Variants in WDR81 observed in about 807,000 individuals in gnomAD.
WDR81 encodes WD repeat domain 81.
In WDR81, 92 loss-of-function variants were observed where a neutral mutation model predicts 140.8. That is an observed-to-expected ratio of 0.65 (90% CI 0.55 to 0.78). WDR81 has a LOEUF of 0.78. Among genes scored for constraint, WDR81 ranks in the 30% least tolerant of loss-of-function variants. The probability of loss-of-function intolerance (pLI) is 0.00; values close to 1 mark genes in which losing one functional copy is unlikely to be tolerated. For missense variants in WDR81, 2,502 were observed against 2,636.4 expected (o/e 0.95, Z 1.12); for synonymous variants, 1,183 against 1,156.4 (o/e 1.02, Z -0.47).
In WDR81 at chr17:1,730,501, C is replaced by CGGTCA. The variant is rs376021075; in HGVS notation, c.3775+16_3775+20dup. On this transcript the variant is annotated intron_variant, in intron 2 of 9. Transcript: ENST00000409644. ...CTTGTTATGTTGGTAAGGAGGCCTG[C>CGGTCA]GGTCAGTGCTGGAGATGAGGCTTTC... 6 of 1,608,416 alleles carry CGGTCA rather than the reference C, an allele frequency of 3.7e-6. No individual in the cohort carries two copies. In the African/African-American group the frequency reaches 5.3e-5, roughly 14 times the overall value.
At position 1,734,117 on chromosome 17, in the gene WDR81, A is replaced by G. The variant is rs1001413126; in HGVS notation, c.5080A>G (p.Thr1694Ala). ...CGAGACGGCCCCACGCCTCGTCTAC[A>G]CCCAGCACCGCAAGAGCGTCTTCTT... ...TSETAPRLVY[T>A]QHRKSVFFVG... The change falls in exon 7 of 10, where the codon ACC becomes GCC. Residue 1694 changes from threonine to alanine, a missense_variant. Physicochemically the swap from Thr to Ala is moderately conservative, Grantham distance 58. This residue lies in a region of WDR81 where 1,737 missense variants were observed against 1,843.0 expected (regional missense o/e 0.94). Coordinates refer to ENST00000409644, the MANE Select transcript of WDR81 (RefSeq NM_001163809.2). 3 of 1,600,636 alleles carry G rather than the reference A, an allele frequency of 1.9e-6. No homozygotes were observed. The highest frequency in any genetic ancestry group is 2.5e-6 in the Non-Finnish European group (3 of 1,179,850).
chr17:1,736,609 C>T (rs1294560853), intron 9 of WDR81, among the ~76,000 whole-genome samples: 2 of 152,184 alleles, frequency 1.3e-5, no homozygotes, highest in African/African-American at 4.8e-5. Context: ...TGTTTACTGC[C>T]TGTAGACCGC....
chr17:1,737,847 G>T lies in WDR81; in HGVS notation c.*162G>T. 1.1e-6 allele frequency: 1 copy of T among 909,428 alleles called. No homozygotes were observed. Among genetic ancestry groups the T allele is most frequent in the Non-Finnish European group, 1.6e-6 (1 of 620,252 alleles). The allele number at this position is 909,428 out of a possible 1,614,324, so 56.3% of individuals were successfully genotyped here. A position where few individuals can be genotyped will look rare whatever the true frequency, so the allele number is the denominator to read the frequency against. On this transcript the variant is annotated 3_prime_UTR_variant, in exon 10 of 10. Coordinates refer to ENST00000409644, the MANE Select transcript of WDR81 (RefSeq NM_001163809.2). Reference sequence around the variant, plus strand: ...TAGGGCCTGCAAATGGAGTGGGGGAGTCCTGGCCCCTGAATCACCAGAGCC... The same window carrying T: ...TAGGGCCTGCAAATGGAGTGGGGGATTCCTGGCCCCTGAATCACCAGAGCC...
chr17:1,728,132 C>T lies in WDR81; in HGVS notation c.3173C>T (p.Ala1058Val). The change falls in exon 1 of 10, where the codon GCC becomes GTC. Residue 1058 changes from alanine to valine, a missense_variant. Transcript: ENST00000409644. The part of the protein sequence containing the change: ...EEIPMDGEPP[A>V]SSGLGLPDYT... ...ATTCCCATGGATGGGGAGCCTCCTG[C>T]CTCCTCGGGCCTGGGGCTCCCAGAC... is the stretch of plus-strand genomic sequence containing the variant. 1 of 1,606,368 alleles carries T rather than the reference C, an allele frequency of 6.2e-7. No homozygotes were observed. Among genetic ancestry groups the T allele is most frequent in the Non-Finnish European group, 8.5e-7 (1 of 1,175,786 alleles).
At position 1,732,674 on chromosome 17, in the gene WDR81, G is replaced by T. The variant is rs1375763215; in HGVS notation, c.4332G>T (p.Lys1444Asn). ...GGGTGTCTTGCTCATAGGATCTGAA[G>T]CTGGACCCTGCGGGCCGTGGTGAGG... ...QLHELRQQDL[K>N]LDPAGRGEGQ... Residue 1444 changes from lysine to asparagine, a missense_variant, in exon 6 of 10, where the codon AAG becomes AAT. Physicochemically the swap from Lys to Asn is moderately conservative, Grantham distance 94. This residue lies in a region of WDR81 where 1,737 missense variants were observed against 1,843.0 expected (regional missense o/e 0.94). Coordinates refer to ENST00000409644, the MANE Select transcript of WDR81 (RefSeq NM_001163809.2). 2 of 1,605,758 alleles carry T rather than the reference G, an allele frequency of 1.2e-6. No homozygotes were observed. The highest frequency in any genetic ancestry group is 3.4e-5 in the Admixed American group (2 of 59,456).
rs760283633 is a variant in WDR81 at position 1,737,662 on chromosome 17, G to A, written c.5803G>A (p.Gly1935Arg). ...CCACCTCCTGCTGGGCTCAGACAAC[G>A]GGGTTATCCGCCTCCTGGCATAGAC... ...KRHLLLGSDN[G>R]VIRLLA The change falls in exon 10 of 10, where the codon GGG becomes AGG. Residue 1935 changes from glycine to arginine, a missense_variant. Physicochemically the swap from Gly to Arg is moderately radical, Grantham distance 125. Coordinates refer to ENST00000409644, the MANE Select transcript of WDR81 (RefSeq NM_001163809.2). 8.7e-6 allele frequency: 14 copies of A among 1,610,892 alleles called. No individual in the cohort carries two copies. Among genetic ancestry groups the A allele is most frequent in the African/African-American group, 5.3e-5 (4 of 74,934 alleles).
chr17:1,736,521 A>G (rs1166373639), intron 9 of WDR81, among the ~76,000 whole-genome samples: 1 of 151,948 alleles, frequency 6.6e-6, no homozygotes, highest in Non-Finnish European at 1.5e-5. Context: ...CCTTGTCCAT[A>G]TTTGTCTTGC....
chr17:1,734,329 C>A lies in WDR81; in HGVS notation c.5179+113C>A, dbSNP rs183276785. 3.2e-3 allele frequency: 4,108 copies of A among 1,277,732 alleles called. 11 individuals carry two copies. The highest frequency in any genetic ancestry group is 3.9e-3 in the Non-Finnish European group (3,703 of 957,566). 79.1% of individuals were successfully genotyped at this position (1,277,732 alleles called of 1,614,324 possible). On this transcript the variant is annotated intron_variant, in intron 7 of 9. Coordinates refer to ENST00000409644, the MANE Select transcript of WDR81 (RefSeq NM_001163809.2). ...TGCTGCGGAGTTTGGGGAGACCCAGCGAGGCCGCCTAGGAGAACAGTTAGG... is the reference window on the plus strand; with the variant it reads ...TGCTGCGGAGTTTGGGGAGACCCAGAGAGGCCGCCTAGGAGAACAGTTAGG...
At chr17:1,734,766 G>A (rs1292451487) in intron 7 of WDR81, among the ~76,000 whole-genome samples, 2 of 133,156 alleles carry the variant, frequency 1.5e-5, no homozygotes, top group East Asian at 2.3e-4. Context: ...GCAACAGAGC[G>A]AGACTCTGTC....
intron 9 of WDR81, among the ~76,000 whole-genome samples, chr17:1,736,919 GC>G (rs1904917838): frequency 6.6e-6 from 1 of 152,166 alleles, no homozygotes; most frequent in Admixed American, 6.6e-5. Context: ...AGCTCAAGGT[GC>G]CCCCAAATTC....
At position 1,735,794 on chromosome 17, in the gene WDR81, A is replaced by G. The variant is rs1567728847; in HGVS notation, c.5325+77A>G. 8 of 1,524,958 alleles carry G rather than the reference A, an allele frequency of 5.2e-6. No homozygotes were observed. Among genetic ancestry groups the G allele is most frequent in the Non-Finnish European group, 6.2e-6 (7 of 1,134,938 alleles). The allele number at this position is 1,524,958 out of a possible 1,614,324, so 94.5% of individuals were successfully genotyped here. On this transcript the variant is annotated intron_variant, in intron 8 of 9. Transcript: ENST00000409644. The surrounding 1 kb of genome is among the most constrained non-coding windows in gnomAD (Gnocchi z 4.2). ...CAAGGAGGAGAGACTCCCCAAAAAC[A>G]GAAAGCCAGGATGTTGTTCTGGGGC...
chr17:1,731,287 G>A (rs1413059764), intron 4 of WDR81, 29 bp downstream of exon 4: 1 of 1,606,182 alleles, frequency 6.2e-7, no homozygotes, highest in East Asian at 2.2e-5. Flanking sequence ...TGATGTAGGG[G>A]GACCGGCCCA....
At position 1,730,771 on chromosome 17, in the gene WDR81, G is replaced by A. The variant is rs1915640176; in HGVS notation, c.3792G>A (p.Gln1264=). The A allele has an allele frequency of 6.2e-7, 1 of 1,611,064 alleles. No individual in the cohort carries two copies. The highest frequency in any genetic ancestry group is 2.2e-5 in the East Asian group (1 of 44,834). ...CCGTGGCAGGACCCACTCGGCAGCA[G>A]TTCACAGTGAGCAGTGGCGAGAGCC... The part of the protein sequence containing the change: ...TSCYVGPTRQ[Q]FTVSSGESPP... The change falls in exon 3 of 10, where the codon CAG becomes CAA. Residue 1264 remains glutamine, a synonymous_variant. Transcript: ENST00000409644.
At chr17:1,722,086 G>A (rs1002366880), upstream of WDR81, among the ~76,000 whole-genome samples, 4 of 151,956 alleles carry the variant, frequency 2.6e-5, no homozygotes, top group Non-Finnish European at 5.9e-5. Context: ...TCGCGCCATT[G>A]CACTCCAGCC....
chr17:1,727,247 T>C lies in WDR81; in HGVS notation c.2288T>C (p.Leu763Pro), dbSNP rs1036149139. 2.3e-5 allele frequency: 36 copies of C among 1,550,250 alleles called. No individual in the cohort carries two copies. The highest frequency in any genetic ancestry group is 3.1e-5 in the Non-Finnish European group (35 of 1,146,974). Residue 763 changes from leucine (L) to proline (P), a missense_variant, in exon 1 of 10, where the codon CTG becomes CCG. Around this residue, in one of 3 missense-constraint regions of WDR81, gnomAD observed 1,737 missense variants for 1,843.0 expected, o/e 0.94. Transcript: ENST00000409644. ...EQPRVQPAVP[L>P]QCLLHRDMQA... is the part of the protein sequence containing the mutation. ...CCCCGGGTCCAGCCGGCTGTGCCAC[T>C]GCAGTGCCTACTCCACAGGGACATG...
At position 1,735,818 on chromosome 17, in the gene WDR81, G is replaced by T; in HGVS notation, c.5325+101G>T. ...CAGAAAGCCAGGATGTTGTTCTGGGGCCCTAGTTAGTTTCTCTTTGGTGCT... is the reference window on the plus strand; with the variant it reads ...CAGAAAGCCAGGATGTTGTTCTGGGTCCCTAGTTAGTTTCTCTTTGGTGCT... On this transcript the variant is annotated intron_variant, in intron 8 of 9. Coordinates refer to ENST00000409644, the MANE Select transcript of WDR81 (RefSeq NM_001163809.2). The surrounding 1 kb of genome is among the most constrained non-coding windows in gnomAD (Gnocchi z 4.2). The T allele has an allele frequency of 1.4e-6, 2 of 1,470,866 alleles. No individual in the cohort carries two copies. Among genetic ancestry groups the T allele is most frequent in the African/African-American group, 2.8e-5 (2 of 70,740 alleles). 91.1% of individuals were successfully genotyped at this position (1,470,866 alleles called of 1,614,324 possible).
At chr17:1,724,606 A>AGG (rs1288136525), upstream of WDR81, 1 of 580,676 alleles carries the variant, frequency 1.7e-6, no homozygotes. Context: ...AGCGGGAGGG[A>AGG]GGGCGGGGAG....
Position 1,735,721 on chromosome 17 carries a change from A to G in WDR81, c.5325+4A>G, listed in dbSNP as rs760033080. The G allele has an allele frequency of 1.2e-6, 2 of 1,609,354 alleles. No homozygotes were observed. Among genetic ancestry groups the G allele is most frequent in the Non-Finnish European group, 1.7e-6 (2 of 1,178,082 alleles). ...CTGCAGGAAGCCTGGTCTGCAGGTCAGGGGGGTCCAGTTCCCTGAGCACTC... is the reference window on the plus strand; with the variant it reads ...CTGCAGGAAGCCTGGTCTGCAGGTCGGGGGGGTCCAGTTCCCTGAGCACTC... On this transcript the variant is annotated splice_donor_region_variant and intron_variant, in intron 8 of 9. Coordinates refer to ENST00000409644, the MANE Select transcript of WDR81 (RefSeq NM_001163809.2). This position sits in a 1 kb window ranked among gnomAD's most constrained non-coding sequence, Gnocchi z 4.2.
chr17:1,720,333 C>A (rs1381585208), upstream of WDR81, among the ~76,000 whole-genome samples: 1 of 152,202 alleles, frequency 6.6e-6, no homozygotes, highest in Non-Finnish European at 1.5e-5. Context: ...AACACGCTTA[C>A]TGGGGGCAGT....
Sources: gnomAD v4.1 joint callset for allele counts (sites outside exome capture counted in the v4.1 genomes callset) on GRCh38, gnomAD v4.1.1 for gene constraint, gnomAD v4.1.1 regional missense constraint, Gnocchi (gnomAD v3.1) non-coding constraint, MANE v1.5 for transcripts, NCBI Gene and HGNC (gene_info 2026-07-23, HGNC 2026-07-21) for gene names.